The following SHANK2 variants were observed in gnomAD, a reference collection of about 807,000 sequenced individuals.
SHANK2 encodes the protein SH3 and multiple ankyrin repeat domains protein 2.
Under a neutral mutation model 133.7 loss-of-function variants are expected in SHANK2, and 43 were observed. That is an observed-to-expected ratio of 0.32 (90% CI 0.25 to 0.41). SHANK2 has a LOEUF of 0.41. SHANK2 is among the 10% of genes least tolerant of loss of function. SHANK2 has a pLI of 1.00. For synonymous variants in SHANK2, 1,017 were observed against 952.8 expected, an observed-to-expected ratio of 1.07 and a Z score of -1.24; for missense variants, 1,994 against 2,235.8, an observed-to-expected ratio of 0.89 and a Z score of 2.18.
chr11:70,839,992 G>C (rs983263286), intron 11 of SHANK2, among the ~76,000 whole-genome samples: 2 of 152,226 alleles, frequency 1.3e-5, no homozygotes, highest in Non-Finnish European at 1.5e-5. Flanking sequence ...GGAGAGGAGG[G>C]AATGTCAAGC....
chr11:70,670,423 C>T (rs1370694237), intron 15 of SHANK2, among the ~76,000 whole-genome samples: 6 of 152,210 alleles, frequency 3.9e-5, no homozygotes, highest in Non-Finnish European at 5.9e-5. Flanking sequence ...TGTCCCAGCT[C>T]AGCGGAGATG....
intron 17 of SHANK2, among the ~76,000 whole-genome samples, chr11:70,503,381 G>A (rs2059089132): frequency 1.3e-5 from 2 of 152,156 alleles, no homozygotes; most frequent in Admixed American, 6.5e-5. Context: ...GAAACGTGGC[G>A]CTTAATTGCT....
At chr11:71,078,234 C>T (rs1028324085) in intron 8 of SHANK2, among the ~76,000 whole-genome samples, 42 of 150,586 alleles carry the variant, frequency 2.8e-4, no homozygotes, top group African/African-American at 9.5e-4. Context: ...CCTGAAGGGA[C>T]ACCCACTGGC....
At chr11:70,951,080 A>G (rs536238609) in intron 10 of SHANK2, 3 of 315,414 alleles carry the variant, frequency 9.5e-6, no homozygotes, top group East Asian at 9.0e-5. Flanking sequence ...AGAAGTAGAG[A>G]GGAGTTGCAT....
intron 10 of SHANK2, among the ~76,000 whole-genome samples, chr11:70,928,019 G>A (rs1033219842): frequency 2.6e-5 from 4 of 152,038 alleles, no homozygotes; most frequent in African/African-American, 4.8e-5. Flanking sequence ...AATCACATGC[G>A]CCAATTCCTT....
At chr11:70,683,156 T>A (rs1945064399) in intron 15 of SHANK2, among the ~76,000 whole-genome samples, 1 of 152,158 alleles carries the variant, frequency 6.6e-6, no homozygotes, top group African/African-American at 2.4e-5. Flanking sequence ...TTTAATTTTA[T>A]TTTTAGAGAT....
chr11:70,512,386 T>C (rs1209488572), intron 17 of SHANK2, among the ~76,000 whole-genome samples: 2 of 152,210 alleles, frequency 1.3e-5, no homozygotes, highest in Admixed American at 6.5e-5. Flanking sequence ...GATGTATTGA[T>C]ATCAAAATTT....
At chr11:71,082,949 C>CA (rs1951321288) in intron 8 of SHANK2, among the ~76,000 whole-genome samples, 1 of 148,590 alleles carries the variant, frequency 6.7e-6, no homozygotes, top group African/African-American at 2.5e-5. Context: ...GCCCGCCCCC[C>CA]CCCCAACCCT....
chr11:71,060,364 C>T (rs927679331), intron 9 of SHANK2, among the ~76,000 whole-genome samples: 176 of 152,346 alleles, frequency 1.2e-3, no homozygotes, highest in African/African-American at 4.1e-3. Context: ...TCGTGAAGAG[C>T]TGCATCCCTA....
chr11:71,164,885 C>T (rs1287615736), intron 2 of SHANK2, among the ~76,000 whole-genome samples: 14 of 152,138 alleles, frequency 9.2e-5, no homozygotes, highest in African/African-American at 3.4e-4. Flanking sequence ...GGCTATGACT[C>T]CACCATGAGT....
At chr11:71,153,007 C>A (rs1952826387) in intron 2 of SHANK2, among the ~76,000 whole-genome samples, 1 of 152,194 alleles carries the variant, frequency 6.6e-6, no homozygotes, top group African/African-American at 2.4e-5. Flanking sequence ...GTGGGACATT[C>A]TTATACTAAA....
intron 14 of SHANK2, among the ~76,000 whole-genome samples, chr11:70,718,263 C>T (rs1555027969): frequency 6.6e-6 from 1 of 152,228 alleles, no homozygotes. Context: ...CTTGGTGTTT[C>T]CTCGGTCTTG....
chr11:71,186,276 C>T (rs1555114469), intron 2 of SHANK2, among the ~76,000 whole-genome samples: 1 of 152,250 alleles, frequency 6.6e-6, no homozygotes, highest in South Asian at 2.1e-4. Context: ...CCCAGCCTCA[C>T]CCCTACTCCT....
chr11:70,526,242 A>C (rs2059394443), intron 17 of SHANK2, among the ~76,000 whole-genome samples: 1 of 152,142 alleles, frequency 6.6e-6, no homozygotes. Context: ...AAGCAACATT[A>C]ATATAATTGT....
At chr11:71,135,481 TG>T (rs1263168350) in intron 3 of SHANK2, among the ~76,000 whole-genome samples, 24 of 139,200 alleles carry the variant, frequency 1.7e-4, no homozygotes, top group African/African-American at 4.3e-4. Flanking sequence ...AGGGGGGATA[TG>T]TTTTTTTTTT....
chr11:70,948,644 G>A (rs528837453), intron 10 of SHANK2, among the ~76,000 whole-genome samples: 9 of 152,328 alleles, frequency 5.9e-5, no homozygotes, highest in Non-Finnish European at 1.3e-4. Flanking sequence ...ACGCTGCAAC[G>A]TGGAGGAGGT....
At chr11:71,145,013 A>C (rs1440432809) in intron 3 of SHANK2, among the ~76,000 whole-genome samples, 3 of 152,236 alleles carry the variant, frequency 2.0e-5, no homozygotes, top group Admixed American at 1.3e-4. Context: ...GCTTTCCTGC[A>C]TTACTTGAAC....
At chr11:70,683,046 G>A (rs532835651) in intron 15 of SHANK2, among the ~76,000 whole-genome samples, 12 of 152,298 alleles carry the variant, frequency 7.9e-5, no homozygotes, top group East Asian at 1.9e-4. Flanking sequence ...GTAAGACGCT[G>A]TCTCCCTGAT....
chr11:70,645,340 G>C (rs1016348689), intron 17 of SHANK2, among the ~76,000 whole-genome samples: 8 of 152,116 alleles, frequency 5.3e-5, no homozygotes, highest in Admixed American at 4.6e-4. Context: ...GGCTGTCTAG[G>C]GGGGCTATAG....
Sources: allele counts gnomAD v4.1 joint callset (sites outside exome capture counted in the v4.1 genomes callset), GRCh38; gene constraint gnomAD v4.1.1; transcripts MANE v1.5; gene names NCBI Gene and HGNC (gene_info 2026-07-23, HGNC 2026-07-21).